Variants in INPP4B observed in about 807,000 individuals in gnomAD.
INPP4B encodes the protein inositol polyphosphate-4-phosphatase type II B, also known as inositol polyphosphate 4-phosphatase type II.
Under a neutral mutation model 122.5 loss-of-function variants are expected in INPP4B, and 55 were observed. That is an observed-to-expected ratio of 0.45 (90% CI 0.36 to 0.56). The LOEUF is 0.56. Among genes scored for constraint, INPP4B ranks in the 20% least tolerant of loss-of-function variants. The probability of loss-of-function intolerance (pLI) is 0.00; values close to 1 mark genes in which losing one functional copy is unlikely to be tolerated. For missense variants in INPP4B, 1,000 were observed against 1,097.7 expected (o/e 0.91, Z 1.26); for synonymous variants, 403 against 388.7 (o/e 1.04, Z -0.43).
intron 3 of INPP4B, among the ~76,000 whole-genome samples, chr4:142,442,154 T>G (rs1200940629): frequency 2.6e-5 from 4 of 152,012 alleles, no homozygotes; most frequent in African/African-American, 9.7e-5. Flanking sequence ...CACGCCTACC[T>G]GTAATCCCAG....
At chr4:142,515,363 T>A (rs541600473) in intron 2 of INPP4B, among the ~76,000 whole-genome samples, 1 of 152,294 alleles carries the variant, frequency 6.6e-6, no homozygotes, top group South Asian at 2.1e-4. Flanking sequence ...TGGTGGGTCA[T>A]GAAAACGAAA....
chr4:142,738,277 C>T (rs1580807430), intron 1 of INPP4B, among the ~76,000 whole-genome samples: 2 of 152,080 alleles, frequency 1.3e-5, no homozygotes, highest in African/African-American at 4.8e-5. Context: ...TACTATGCAG[C>T]CATAAAAAAT....
chr4:142,829,561 C>A (rs1472189139), intron 1 of INPP4B, among the ~76,000 whole-genome samples: 2 of 151,726 alleles, frequency 1.3e-5, no homozygotes, highest in Non-Finnish European at 2.9e-5. Flanking sequence ...TGTGGTTAGC[C>A]TTTATCCTAA....
Position 142,721,465 on chromosome 4 carries a change from G to A in INPP4B, c.-191+4374C>T, listed in dbSNP as rs988316314. Among the ~76,000 whole-genome samples the A allele has an allele frequency of 2.6e-5, 4 of 152,204 alleles. No homozygotes were observed. In the East Asian group the frequency reaches 7.7e-4, roughly 29 times the overall value. The stretch of plus-strand genomic sequence containing the variant: ...TTAAGCTGTCTCCCTTTGGTGAAGA[G>A]AATGTGTTCCTACAGTGGTGTTATA... On this transcript the variant is annotated intron_variant, in intron 2 of 25. Coordinates refer to ENST00000262992, the MANE Select transcript of INPP4B (RefSeq NM_001101669.3).
intron 7 of INPP4B, among the ~76,000 whole-genome samples, chr4:142,378,072 G>A (rs72941192): frequency 0.18 from 28,008 of 152,072 alleles, 3,129 homozygotes; most frequent in African/African-American, 0.31. Flanking sequence ...TGTATTTCCT[G>A]TTTCCAAAGT....
chr4:142,076,878 G>GA (rs1289091923), intron 25 of INPP4B, among the ~76,000 whole-genome samples: 2 of 151,626 alleles, frequency 1.3e-5, no homozygotes, highest in African/African-American at 4.8e-5. Context: ...CAAAAACAAA[G>GA]AAAAAAATAA....
chr4:142,408,483 G>T, intron 5 of INPP4B, among the ~76,000 whole-genome samples: 1 of 152,150 alleles, frequency 6.6e-6, no homozygotes, highest in East Asian at 1.9e-4. Flanking sequence ...AACCCCAGGG[G>T]CGGAGGTTGC....
At chr4:142,524,802 G>T (rs1319659660) in intron 2 of INPP4B, among the ~76,000 whole-genome samples, 1 of 151,492 alleles carries the variant, frequency 6.6e-6, no homozygotes, top group Non-Finnish European at 1.5e-5. Context: ...GCAAAAACTG[G>T]AAGCATTCCC....
chr4:142,133,170 A>G (rs1211660258), intron 18 of INPP4B, among the ~76,000 whole-genome samples: 1 of 152,158 alleles, frequency 6.6e-6, no homozygotes, highest in African/African-American at 2.4e-5. Flanking sequence ...CCTCAAGTAT[A>G]TATAATCTAT....
intron 18 of INPP4B, among the ~76,000 whole-genome samples, chr4:142,138,930 A>G (rs535792386): frequency 2.4e-4 from 37 of 152,260 alleles, no homozygotes; most frequent in Admixed American, 2.1e-3. Context: ...GCCAATAAAG[A>G]TTTTGCTCAT....
At chr4:142,268,062 G>A (rs1029673623) in intron 10 of INPP4B, among the ~76,000 whole-genome samples, 6 of 151,684 alleles carry the variant, frequency 4.0e-5, no homozygotes, top group Admixed American at 2.6e-4. Flanking sequence ...GGAGTCTCAC[G>A]CCTGTAATCC....
intron 8 of INPP4B, among the ~76,000 whole-genome samples, chr4:142,308,490 C>T (rs1907106): frequency 0.36 from 54,767 of 151,718 alleles, 12,077 homozygotes; most frequent in East Asian, 0.61. Context: ...CATTTACTTT[C>T]GAGCTGGTTT....
chr4:142,375,411 T>C (rs1340791298), intron 7 of INPP4B, among the ~76,000 whole-genome samples: 1 of 151,858 alleles, frequency 6.6e-6, no homozygotes, highest in Non-Finnish European at 1.5e-5. Flanking sequence ...TCGAGTCATT[T>C]TCAAAGATCA....
At position 142,281,461 on chromosome 4, in the gene INPP4B, T is replaced by A. The variant is rs144849471; in HGVS notation, c.504-10687A>T. ...TCCATAGATAACAGGTATGGAGAACTGGAGTATTAAATTATTAAACAATCA... is the reference window on the plus strand; with the variant it reads ...TCCATAGATAACAGGTATGGAGAACAGGAGTATTAAATTATTAAACAATCA... On this transcript the variant is annotated intron_variant, in intron 9 of 25. Transcript: ENST00000262992. Among the ~76,000 whole-genome samples, 19 of 152,026 alleles carry A rather than the reference T, an allele frequency of 1.2e-4. No homozygotes were observed. The East Asian group carries it at 2.7e-3, about 22-fold the overall frequency.
chr4:142,152,290 T>C (rs1451897144), intron 17 of INPP4B, among the ~76,000 whole-genome samples: 1 of 151,890 alleles, frequency 6.6e-6, no homozygotes, highest in East Asian at 1.9e-4. Context: ...TTAGCCAGGA[T>C]GGTCTCGATC....
Position 142,063,417 on chromosome 4 carries a change from C to G in INPP4B, c.2642+18614G>C, listed in dbSNP as rs1761996276. The stretch of plus-strand genomic sequence containing the variant: ...AAAAGCTTCTTTTTCTCTTCTAGTC[C>G]TCCACACACACAAGTCCAGATTCTT... On this transcript the variant is annotated intron_variant, in intron 25 of 25. Coordinates refer to ENST00000262992, the MANE Select transcript of INPP4B (RefSeq NM_001101669.3). Among the ~76,000 whole-genome samples, 8 of 152,226 alleles carry G rather than the reference C, an allele frequency of 5.3e-5. No individual in the cohort carries two copies. The South Asian group carries it at 1.5e-3, about 28-fold the overall frequency.
intron 1 of INPP4B, among the ~76,000 whole-genome samples, chr4:142,738,792 C>T (rs1016029109): frequency 4.6e-5 from 7 of 152,040 alleles, no homozygotes; most frequent in African/African-American, 1.2e-4. Context: ...TGTCTATGAG[C>T]GTTCCTAAGT....
chr4:142,169,941 G>A (rs910511230), intron 16 of INPP4B, among the ~76,000 whole-genome samples: 1 of 151,662 alleles, frequency 6.6e-6, no homozygotes, highest in African/African-American at 2.4e-5. Flanking sequence ...ATGGGTGTTT[G>A]AACGCTAATA....
chr4:142,113,589 T>C (rs181187385), intron 21 of INPP4B, among the ~76,000 whole-genome samples: 19 of 152,100 alleles, frequency 1.2e-4, no homozygotes, highest in Admixed American at 1.0e-3. Flanking sequence ...ACCTATGAAA[T>C]AGAGACCTGG....
Sources: allele counts gnomAD v4.1 joint callset (sites outside exome capture counted in the v4.1 genomes callset), GRCh38; gene constraint gnomAD v4.1.1; transcripts MANE v1.5; gene names NCBI Gene and HGNC (gene_info 2026-07-23, HGNC 2026-07-21).